Variants in RBPJ observed in about 807,000 individuals in gnomAD.
RBPJ encodes recombining binding protein suppressor of hairless.
RBPJ carries 9 observed loss-of-function variants against 67.8 expected under a neutral mutation model. The ratio of observed to expected loss-of-function variants is 0.13; its 90% confidence interval spans 0.08 to 0.23. The LOEUF (loss-of-function observed/expected upper bound fraction) is 0.23, where lower values mean the gene tolerates loss of function less well. Ranked by LOEUF, RBPJ falls within the 10% of genes least tolerant of loss-of-function variation. The pLI is 1.00. For synonymous variants in RBPJ, 198 were observed against 203.3 expected (o/e 0.97, Z 0.22); for missense variants, 305 against 595.6 (o/e 0.51, Z 5.08).
chr4:26,370,113 T>G (rs1729013197), intron 1 of RBPJ, among the ~76,000 whole-genome samples: 1 of 152,182 alleles, frequency 6.6e-6, no homozygotes, highest in Non-Finnish European at 1.5e-5. Flanking sequence ...CCAGGATGAG[T>G]AGTAGTTTTC....
intron 1 of RBPJ, among the ~76,000 whole-genome samples, chr4:26,189,744 G>A (rs4692427): frequency 0.72 from 109,751 of 152,146 alleles, 40,458 homozygotes; most frequent in African/African-American, 0.87. Context: ...ATTAAATCTG[G>A]AAGACATAAC....
At chr4:26,292,732 C>T (rs1721712744) in intron 1 of RBPJ, among the ~76,000 whole-genome samples, 2 of 150,382 alleles carry the variant, frequency 1.3e-5, no homozygotes, top group Admixed American at 6.6e-5. Context: ...AAAATCCTAA[C>T]AGAATAACAT....
intron 2 of RBPJ, among the ~76,000 whole-genome samples, chr4:26,394,270 G>A (rs543469124): frequency 1.7e-4 from 26 of 152,036 alleles, no homozygotes; most frequent in Non-Finnish European, 2.6e-4. Flanking sequence ...CACGTGATCC[G>A]CCCTCCTTGG....
At chr4:26,363,234 G>C (rs536205344) in intron 1 of RBPJ, among the ~76,000 whole-genome samples, 126 of 152,092 alleles carry the variant, frequency 8.3e-4, no homozygotes, top group African/African-American at 2.8e-3. Context: ...CCACTTCCTG[G>C]GTTCAACCAA....
intron 3 of RBPJ, among the ~76,000 whole-genome samples, chr4:26,414,992 G>A (rs1191950778): frequency 6.6e-6 from 1 of 152,092 alleles, no homozygotes; most frequent in Non-Finnish European, 1.5e-5. Flanking sequence ...TTCTACTATG[G>A]ACAATGCTCT....
At chr4:26,317,104 T>A (rs1472580448), upstream of RBPJ, among the ~76,000 whole-genome samples, 1 of 151,676 alleles carries the variant, frequency 6.6e-6, no homozygotes, top group Non-Finnish European at 1.5e-5. Flanking sequence ...CTTATTAATA[T>A]TACATTATAA....
intron 1 of RBPJ, among the ~76,000 whole-genome samples, chr4:26,247,141 T>G (rs1300473068): frequency 6.6e-6 from 1 of 152,078 alleles, no homozygotes; most frequent in Non-Finnish European, 1.5e-5. Flanking sequence ...AAATTATCCT[T>G]TATTATTCTT....
chr4:26,224,378 C>T (rs1455500439), intron 1 of RBPJ, among the ~76,000 whole-genome samples: 1 of 151,866 alleles, frequency 6.6e-6, no homozygotes, highest in Non-Finnish European at 1.5e-5. Context: ...TACAGGTATG[C>T]ACCACCATGC....
At chr4:26,419,920 C>T (rs548774250) in intron 4 of RBPJ, among the ~76,000 whole-genome samples, 1 of 152,216 alleles carries the variant, frequency 6.6e-6, no homozygotes, top group East Asian at 1.9e-4. Context: ...TCTGGTGATA[C>T]ATATGAATCG....
At chr4:26,410,010 C>T (rs1577639685) in intron 3 of RBPJ, 1 of 454,012 alleles carries the variant, frequency 2.2e-6, no homozygotes, top group Non-Finnish European at 4.4e-6. Flanking sequence ...AGGGGAAACC[C>T]ATTAAATTTA....
intron 2 of RBPJ, among the ~76,000 whole-genome samples, chr4:26,387,527 C>T (rs1731038719): frequency 1.3e-5 from 2 of 152,076 alleles, no homozygotes; most frequent in Admixed American, 1.3e-4. Context: ...TATGTAAAAA[C>T]CGTTTTCCAG....
intron 1 of RBPJ, among the ~76,000 whole-genome samples, chr4:26,348,743 A>C (rs1399865406): frequency 1.3e-5 from 2 of 151,784 alleles, no homozygotes; most frequent in Admixed American, 1.3e-4. Flanking sequence ...TCACTTTATC[A>C]CTCAGAGTGG....
intron 1 of RBPJ, among the ~76,000 whole-genome samples, chr4:26,367,507 TTA>T (rs1265883597): frequency 3.9e-5 from 6 of 152,190 alleles, no homozygotes; most frequent in African/African-American, 1.4e-4. Flanking sequence ...GTTTCACTTT[TTA>T]TATGTTAGGA....
At position 26,430,056 on chromosome 4, in the gene RBPJ, G is replaced by T; in HGVS notation, c.1044+3G>T. 6.2e-7 allele frequency: 1 copy of T among 1,614,014 alleles called. No individual in the cohort carries two copies. The highest frequency in any genetic ancestry group is 1.1e-5 in the South Asian group (1 of 91,080). ...TGCCTGTGGTAGAGAGCCTTCAGGT[G>T]AGAACGCCTAGTCCAAGTTGGCCTT... is the stretch of plus-strand genomic sequence containing the variant. On this transcript the variant is annotated splice_donor_region_variant and intron_variant, in intron 9 of 10. Coordinates refer to ENST00000355476, the MANE Select transcript of RBPJ (RefSeq NM_015874.6). The surrounding 1 kb of genome is among the most constrained non-coding windows in gnomAD (Gnocchi z 4.1).
At chr4:26,315,251 G>A (rs895409640), upstream of RBPJ, among the ~76,000 whole-genome samples, 4 of 139,636 alleles carry the variant, frequency 2.9e-5, no homozygotes, top group African/African-American at 1.1e-4. Flanking sequence ...TTCAATGTAA[G>A]TTCTTTCTAT....
chr4:26,243,020 C>T (rs1031578806), intron 1 of RBPJ, among the ~76,000 whole-genome samples: 3 of 151,852 alleles, frequency 2.0e-5, no homozygotes, highest in Admixed American at 6.6e-5. Flanking sequence ...TAAGGTTGGG[C>T]GTTCGAGACC....
At chr4:26,343,199 G>C (rs994159776) in intron 1 of RBPJ, 7 of 152,168 alleles carry the variant, frequency 4.6e-5, no homozygotes, top group Admixed American at 4.6e-4. Flanking sequence ...AGTTAGGACG[G>C]CACAAACTGA....
chr4:26,186,936 C>A (rs1717287198), intron 1 of RBPJ, among the ~76,000 whole-genome samples: 1 of 152,106 alleles, frequency 6.6e-6, no homozygotes. Context: ...AATACACAAA[C>A]AAGGCCTGGC....
intron 1 of RBPJ, chr4:26,163,686 A>G (rs901241400): frequency 5.3e-5 from 8 of 152,236 alleles, no homozygotes; most frequent in African/African-American, 1.9e-4. Flanking sequence ...TTAGTTCGTG[A>G]CTTATGAATA....
Sources: allele counts gnomAD v4.1 joint callset (sites outside exome capture counted in the v4.1 genomes callset), GRCh38; gene constraint gnomAD v4.1.1; non-coding constraint Gnocchi (gnomAD v3.1); transcripts MANE v1.5; gene names NCBI Gene and HGNC (gene_info 2026-07-23, HGNC 2026-07-21).